Variants in TBC1D5 observed in about 807,000 individuals in gnomAD.
The protein encoded by TBC1D5 is TBC1 domain family member 5.
Under a neutral mutation model 100.3 loss-of-function variants are expected in TBC1D5, and 75 were observed. The observed-to-expected ratio is 0.75, with a 90% CI of 0.62 to 0.91. The LOEUF is 0.91. Among genes scored for constraint, TBC1D5 ranks in the 40% least tolerant of loss-of-function variants. TBC1D5 has a pLI of 0.00. For missense variants in TBC1D5, 910 were observed against 942.4 expected, an observed-to-expected ratio of 0.97 and a Z score of 0.45; for synonymous variants, 323 against 325.6, an observed-to-expected ratio of 0.99 and a Z score of 0.09.
chr3:17,727,286 C>A (rs947278594), intron 1 of TBC1D5, among the ~76,000 whole-genome samples: 1 of 152,194 alleles, frequency 6.6e-6, no homozygotes, highest in African/African-American at 2.4e-5. Flanking sequence ...GAGGCTGAGA[C>A]AGGAGAATCG....
chr3:17,225,409 A>C (rs1391046967), intron 17 of TBC1D5, among the ~76,000 whole-genome samples: 1 of 144,066 alleles, frequency 6.9e-6, no homozygotes, highest in Non-Finnish European at 1.5e-5. Flanking sequence ...ACTGCACTCC[A>C]GTCTGGGCGA....
chr3:17,505,593 C>T (rs1018796566), intron 3 of TBC1D5, among the ~76,000 whole-genome samples: 1 of 152,230 alleles, frequency 6.6e-6, no homozygotes, highest in East Asian at 1.9e-4. Flanking sequence ...CTTGTGAAAA[C>T]GAGTGATTCC....
At chr3:17,231,153 T>C (rs2075384270) in intron 17 of TBC1D5, among the ~76,000 whole-genome samples, 1 of 152,178 alleles carries the variant, frequency 6.6e-6, no homozygotes, top group South Asian at 2.1e-4. Context: ...AAATAACATA[T>C]GTCTTGTGTG....
At chr3:17,663,343 C>A (rs574531554) in intron 1 of TBC1D5, among the ~76,000 whole-genome samples, 24 of 149,806 alleles carry the variant, frequency 1.6e-4, no homozygotes, top group African/African-American at 5.6e-4. Context: ...AAAAAAAAAT[C>A]AAACACAGAA....
intron 16 of TBC1D5, 132 bp from the exon 17 acceptor site, chr3:17,238,551 G>T: frequency 9.4e-7 from 1 of 1,061,568 alleles, no homozygotes; most frequent in Non-Finnish European, 1.3e-6. Flanking sequence ...TATAAAGTGA[G>T]AAGTGAAAAA....
chr3:17,317,231 G>C (rs146402759), intron 13 of TBC1D5, among the ~76,000 whole-genome samples: 3 of 152,262 alleles, frequency 2.0e-5, no homozygotes, highest in East Asian at 1.9e-4. Context: ...AAGTATTAAC[G>C]GTTTTTGGAT....
intron 13 of TBC1D5, among the ~76,000 whole-genome samples, chr3:17,356,205 A>G (rs902113038): frequency 3.3e-5 from 5 of 152,174 alleles, no homozygotes; most frequent in Non-Finnish European, 7.3e-5. Flanking sequence ...CCCATTCATA[A>G]TAAAAACACC....
At chr3:17,481,252 C>T (rs2095498405) in intron 3 of TBC1D5, among the ~76,000 whole-genome samples, 1 of 152,238 alleles carries the variant, frequency 6.6e-6, no homozygotes, top group African/African-American at 2.4e-5. Context: ...GCTGACGTGC[C>T]TGGCTGCGTG....
At chr3:17,210,942 T>C (rs958881155) in intron 18 of TBC1D5, among the ~76,000 whole-genome samples, 1 of 152,174 alleles carries the variant, frequency 6.6e-6, no homozygotes, top group African/African-American at 2.4e-5. Flanking sequence ...TTTTACATTT[T>C]AGAAAAATGT....
chr3:17,484,898 C>CCCA (rs1320398585), intron 3 of TBC1D5, among the ~76,000 whole-genome samples: 1 of 152,050 alleles, frequency 6.6e-6, no homozygotes, highest in Admixed American at 6.6e-5. Flanking sequence ...AAATGAGGAA[C>CCCA]CCACATTCAC....
At chr3:17,184,984 C>A (rs2068851171) in intron 19 of TBC1D5, 125 bp downstream of exon 20, 2 of 663,104 alleles carry the variant, frequency 3.0e-6, no homozygotes, top group East Asian at 5.6e-5. Flanking sequence ...TATTATATAG[C>A]TGTTGTAAGG....
exon 22 of TBC1D5, chr3:17,160,443 C>T (rs989410873): frequency 4.5e-5 from 7 of 154,302 alleles, no homozygotes; most frequent in Non-Finnish European, 8.6e-5. Flanking sequence ...TTTAGCTCTG[C>T]GATATGGCTT....
At chr3:17,306,364 A>G (rs575719885) in intron 14 of TBC1D5, among the ~76,000 whole-genome samples, 28 of 152,210 alleles carry the variant, frequency 1.8e-4, no homozygotes, top group Non-Finnish European at 3.5e-4. Context: ...ATCTGTAAAT[A>G]CCTGACAAAT....
At position 17,353,950 on chromosome 3, in the gene TBC1D5, C is replaced by G. The variant is rs373153233; in HGVS notation, c.995+18125G>C. ...TTTCCCTCACATATGCTCATATACA[C>G]CAATGCAAAATAGCATTCCACGTTT... On this transcript the variant is annotated intron_variant, in intron 13 of 21. Coordinates refer to ENST00000253692, the Ensembl canonical transcript of TBC1D5. 1.6e-4 allele frequency among the ~76,000 whole-genome samples: 25 copies of G among 152,150 alleles called. No individual in the cohort carries two copies. The East Asian group carries it at 1.9e-3, about 12-fold the overall frequency.
intron 1 of TBC1D5, among the ~76,000 whole-genome samples, chr3:17,733,332 G>A (rs2076712700): frequency 6.6e-6 from 1 of 152,198 alleles, no homozygotes; most frequent in Admixed American, 6.5e-5. Context: ...ATAGCTTGAT[G>A]AGTAAACTCA....
chr3:17,519,343 A>T (rs1317951130), intron 2 of TBC1D5, among the ~76,000 whole-genome samples: 7 of 152,182 alleles, frequency 4.6e-5, no homozygotes, highest in Non-Finnish European at 7.4e-5. Flanking sequence ...ATTTTCTTCA[A>T]CTATACCAAA....
chr3:17,308,116 TAGC>T, exon 14 of TBC1D5: 1 of 1,594,924 alleles, frequency 6.3e-7, no homozygotes, highest in Non-Finnish European at 8.5e-7. Flanking sequence ...CTCGTCCAAA[TAGC>T]AGCCGCACCC....
chr3:17,444,242 A>G (rs2094730037), intron 3 of TBC1D5, among the ~76,000 whole-genome samples: 3 of 152,076 alleles, frequency 2.0e-5, no homozygotes, highest in Admixed American at 6.5e-5. Context: ...AAAACTACCA[A>G]CAAAAAAGAA....
intron 1 of TBC1D5, among the ~76,000 whole-genome samples, chr3:17,639,013 G>GT (rs779581997): frequency 1.3e-5 from 2 of 152,018 alleles, no homozygotes; most frequent in Non-Finnish European, 2.9e-5. Context: ...CCACTCTTAG[G>GT]TATCTACCCA....
Sources: gnomAD v4.1 joint callset for allele counts (sites outside exome capture counted in the v4.1 genomes callset) on GRCh38, gnomAD v4.1.1 for gene constraint, MANE v1.5 for transcripts, NCBI Gene and HGNC (gene_info 2026-07-23, HGNC 2026-07-21) for gene names.